Variants in CCDC6 observed in about 807,000 individuals in gnomAD.
The protein encoded by CCDC6 is coiled-coil domain containing 6.
In CCDC6, 20 loss-of-function variants were observed where a neutral mutation model predicts 56.6. The observed-to-expected ratio is 0.35, with a 90% CI of 0.25 to 0.51. The LOEUF is 0.51. Ranked by LOEUF, CCDC6 falls within the 20% of genes least tolerant of loss-of-function variation. CCDC6 has a pLI of 0.95. For synonymous variants in CCDC6, 241 were observed against 234.4 expected (o/e 1.03, Z -0.26); for missense variants, 367 against 601.1 (o/e 0.61, Z 4.07).
chr10:59,852,471 A>G, intron 2 of CCDC6, 82 bp downstream of exon 2: 1 of 1,154,788 alleles, frequency 8.7e-7, no homozygotes, highest in Non-Finnish European at 1.2e-6. Context: ...CAAATGTTAC[A>G]AGCAAAGTGC....
At chr10:59,888,954 C>G (rs953180275) in intron 1 of CCDC6, among the ~76,000 whole-genome samples, 1 of 152,014 alleles carries the variant, frequency 6.6e-6, no homozygotes, top group African/African-American at 2.4e-5. Context: ...AGCAGGGCCA[C>G]GAGATAAGGC....
intron 3 of CCDC6, among the ~76,000 whole-genome samples, chr10:59,815,159 A>G (rs2070701432): frequency 1.3e-5 from 2 of 152,122 alleles, no homozygotes; most frequent in Admixed American, 1.3e-4. Context: ...TTATATTACT[A>G]TTCATATAAA....
intron 1 of CCDC6, among the ~76,000 whole-genome samples, chr10:59,863,388 C>T (rs766013301): frequency 3.3e-5 from 5 of 152,172 alleles, no homozygotes; most frequent in Non-Finnish European, 7.3e-5. Context: ...ATCATTTTCC[C>T]TCTTAGAATT....
intron 1 of CCDC6, among the ~76,000 whole-genome samples, chr10:59,856,966 C>T (rs1664285): frequency 0.4 from 60,155 of 151,944 alleles, 12,134 homozygotes; most frequent in African/African-American, 0.47. Context: ...CTGGAGGAAA[C>T]AGAAAAATTT....
At chr10:59,819,201 T>C (rs971827160) in intron 3 of CCDC6, among the ~76,000 whole-genome samples, 8 of 152,202 alleles carry the variant, frequency 5.3e-5, no homozygotes, top group Non-Finnish European at 2.9e-5. Context: ...AAATTGATTT[T>C]CATATATGTT....
At chr10:59,868,022 T>C (rs903330107) in intron 1 of CCDC6, among the ~76,000 whole-genome samples, 10 of 152,214 alleles carry the variant, frequency 6.6e-5, no homozygotes, top group African/African-American at 2.4e-4. Context: ...CTTGAGCACA[T>C]GTCATCAGGA....
chr10:59,880,562 G>C (rs1626088), intron 1 of CCDC6, among the ~76,000 whole-genome samples: 1 of 152,010 alleles, frequency 6.6e-6, no homozygotes, highest in Non-Finnish European at 1.5e-5. Context: ...ATTCTGTTTC[G>C]TGATCTGGGT....
At chr10:59,824,631 G>A (rs1335566366) in intron 3 of CCDC6, among the ~76,000 whole-genome samples, 1 of 152,082 alleles carries the variant, frequency 6.6e-6, no homozygotes, top group Non-Finnish European at 1.5e-5. Context: ...TTTTTAAAAA[G>A]CAGGGCAGCC....
At chr10:59,821,595 A>G (rs2070750186) in intron 3 of CCDC6, among the ~76,000 whole-genome samples, 1 of 152,192 alleles carries the variant, frequency 6.6e-6, no homozygotes, top group South Asian at 2.1e-4. Flanking sequence ...TGCTTTCAGA[A>G]TTTTAAGAAC....
intron 5 of CCDC6, among the ~76,000 whole-genome samples, chr10:59,808,339 A>G (rs1241328398): frequency 6.6e-6 from 1 of 152,190 alleles, no homozygotes; most frequent in Non-Finnish European, 1.5e-5. Flanking sequence ...TTCCAAGGTT[A>G]TTCTTCACAG....
chr10:59,865,216 A>T (rs1184153729), intron 1 of CCDC6, among the ~76,000 whole-genome samples: 2 of 152,222 alleles, frequency 1.3e-5, no homozygotes, highest in African/African-American at 4.8e-5. Context: ...CCGGGATATA[A>T]CATTCCAACA....
chr10:59,793,238 T>C (rs2070484226), intron 8 of CCDC6, 127 bp from the exon 9 acceptor site: 1 of 699,300 alleles, frequency 1.4e-6, no homozygotes, highest in African/African-American at 1.8e-5. Context: ...CAGGGATTTC[T>C]TTCTTCATCC....
chr10:59,854,606 G>A (rs781596725), intron 1 of CCDC6, among the ~76,000 whole-genome samples: 14 of 152,048 alleles, frequency 9.2e-5, no homozygotes, highest in Non-Finnish European at 1.3e-4. Context: ...TTTCATTAAC[G>A]CTTCTCAATG....
At chr10:59,870,882 G>A (rs1340998233) in intron 1 of CCDC6, among the ~76,000 whole-genome samples, 2 of 152,116 alleles carry the variant, frequency 1.3e-5, no homozygotes, top group African/African-American at 2.4e-5. Context: ...CACCAGCCCG[G>A]GACTATTAAA....
At chr10:59,832,778 A>G in intron 2 of CCDC6, 125 bp from the exon 3 acceptor site, 1 of 951,660 alleles carries the variant, frequency 1.1e-6, no homozygotes, top group South Asian at 1.7e-5. Flanking sequence ...TTTTTGCTCA[A>G]ATGTGCAAGT....
chr10:59,854,065 G>A (rs545327455), intron 1 of CCDC6, among the ~76,000 whole-genome samples: 13 of 152,162 alleles, frequency 8.5e-5, no homozygotes, highest in Admixed American at 4.6e-4. Flanking sequence ...CAAATCAAGG[G>A]AGGAAGAGCC....
chr10:59,834,987 G>A (rs2070869586), intron 2 of CCDC6, among the ~76,000 whole-genome samples: 1 of 152,180 alleles, frequency 6.6e-6, no homozygotes, highest in South Asian at 2.1e-4. Flanking sequence ...GAGAATGGTA[G>A]GCGAGATCTA....
chr10:59,841,002 C>A (rs2070933374), intron 2 of CCDC6, among the ~76,000 whole-genome samples: 1 of 152,164 alleles, frequency 6.6e-6, no homozygotes, highest in Non-Finnish European at 1.5e-5. Flanking sequence ...TATGTAGGAT[C>A]ATTTTGCTAC....
intron 1 of CCDC6, among the ~76,000 whole-genome samples, chr10:59,881,083 C>T (rs1018374933): frequency 6.6e-6 from 1 of 152,186 alleles, no homozygotes; most frequent in African/African-American, 2.4e-5. Flanking sequence ...CAGCAGGTCC[C>T]AACAGTCTCC....
Sources: gnomAD v4.1 joint callset for allele counts (sites outside exome capture counted in the v4.1 genomes callset) on GRCh38, gnomAD v4.1.1 for gene constraint, MANE v1.5 for transcripts, NCBI Gene and HGNC (gene_info 2026-07-23, HGNC 2026-07-21) for gene names.